Variants in SEMA5A observed in about 807,000 individuals in gnomAD.
SEMA5A encodes semaphorin-5A.
Under a neutral mutation model 135.5 loss-of-function variants are expected in SEMA5A, and 55 were observed. The observed-to-expected ratio is 0.41, with a 90% CI of 0.33 to 0.51. The LOEUF is 0.51. SEMA5A is among the 20% of genes least tolerant of loss of function. SEMA5A has a pLI of 0.37. For synonymous variants in SEMA5A, 580 were observed against 546.5 expected (o/e 1.06, Z -0.85); for missense variants, 1,290 against 1,419.9 (o/e 0.91, Z 1.47).
intron 1 of SEMA5A, among the ~76,000 whole-genome samples, chr5:9,458,542 C>T (rs995334315): frequency 6.6e-6 from 1 of 152,194 alleles, no homozygotes; most frequent in Non-Finnish European, 1.5e-5. Context: ...CCATACGCCA[C>T]CCAGCACGCC....
intron 1 of SEMA5A, among the ~76,000 whole-genome samples, chr5:9,522,569 C>G (rs911600496): frequency 6.6e-6 from 1 of 152,046 alleles, no homozygotes; most frequent in African/African-American, 2.4e-5. Context: ...AAGAGCAAAA[C>G]TCCATCTCAA....
At chr5:9,424,349 T>C (rs1041996161) in intron 2 of SEMA5A, among the ~76,000 whole-genome samples, 9 of 152,226 alleles carry the variant, frequency 5.9e-5, no homozygotes, top group African/African-American at 2.2e-4. Flanking sequence ...AGATTTTCTG[T>C]CACTTTTAAG....
chr5:9,100,084 A>G (rs1322970574), intron 16 of SEMA5A, among the ~76,000 whole-genome samples: 2 of 152,358 alleles, frequency 1.3e-5, no homozygotes, highest in Admixed American at 6.5e-5. Flanking sequence ...GTGGAGTGCC[A>G]TCTGGCCTAA....
At chr5:9,263,481 G>C (rs567805617) in intron 5 of SEMA5A, among the ~76,000 whole-genome samples, 1 of 152,204 alleles carries the variant, frequency 6.6e-6, no homozygotes, top group South Asian at 2.1e-4. Context: ...AATCTGAGGT[G>C]GAACAGTTTC....
intron 6 of SEMA5A, 52 bp downstream of exon 6, chr5:9,237,776 G>T (rs541499410): frequency 2.6e-6 from 4 of 1,518,614 alleles, no homozygotes; most frequent in Non-Finnish European, 3.7e-6. Flanking sequence ...TTTATATAGT[G>T]TAGAGTCCTT....
At chr5:9,483,231 C>G (rs1349951379) in intron 1 of SEMA5A, among the ~76,000 whole-genome samples, 1 of 152,128 alleles carries the variant, frequency 6.6e-6, no homozygotes, top group Non-Finnish European at 1.5e-5. Context: ...GTCTCCAACC[C>G]TTTCCCATTT....
chr5:9,068,157 CTCTA>C (rs887336962), intron 16 of SEMA5A, among the ~76,000 whole-genome samples: 12 of 152,052 alleles, frequency 7.9e-5, no homozygotes, highest in African/African-American at 2.9e-4. Context: ...TTTTTTGGAT[CTCTA>C]TCTTTCTTGT....
chr5:9,369,120 CTA>C (rs1755030719), intron 3 of SEMA5A, among the ~76,000 whole-genome samples: 1 of 152,152 alleles, frequency 6.6e-6, no homozygotes, highest in Non-Finnish European at 1.5e-5. Context: ...AGGTATCTCA[CTA>C]TGCAGTTATG....
intron 1 of SEMA5A, among the ~76,000 whole-genome samples, chr5:9,492,989 G>A (rs1561296059): frequency 1.3e-5 from 2 of 152,102 alleles, no homozygotes; most frequent in Non-Finnish European, 2.9e-5. Context: ...AACACCAAGA[G>A]TGAACCCTAA....
intron 6 of SEMA5A, among the ~76,000 whole-genome samples, chr5:9,232,598 A>G (rs1028135866): frequency 6.6e-6 from 1 of 152,240 alleles, no homozygotes; most frequent in Non-Finnish European, 1.5e-5. Context: ...ATATGTAGAG[A>G]TAAACACTCA....
At chr5:9,409,297 G>A (rs1041041831) in intron 2 of SEMA5A, among the ~76,000 whole-genome samples, 3 of 152,204 alleles carry the variant, frequency 2.0e-5, no homozygotes, top group African/African-American at 7.2e-5. Context: ...TAAATCTTCA[G>A]AGTCTAATAT....
intron 2 of SEMA5A, among the ~76,000 whole-genome samples, chr5:9,398,160 T>A (rs1756485727): frequency 6.6e-6 from 1 of 152,106 alleles, no homozygotes; most frequent in Admixed American, 6.6e-5. Context: ...AGCAGCACAA[T>A]GACCAAAGAC....
At chr5:9,073,111 C>T (rs570233132) in intron 16 of SEMA5A, among the ~76,000 whole-genome samples, 1 of 152,186 alleles carries the variant, frequency 6.6e-6, no homozygotes, top group Admixed American at 6.5e-5. Context: ...ACTTTGATAT[C>T]AAAACCAGAC....
chr5:9,299,827 C>T (rs533395755), intron 5 of SEMA5A, among the ~76,000 whole-genome samples: 17 of 152,286 alleles, frequency 1.1e-4, no homozygotes, highest in African/African-American at 3.6e-4. Flanking sequence ...CCATACTTCA[C>T]GTCTCCTTCC....
intron 16 of SEMA5A, among the ~76,000 whole-genome samples, chr5:9,102,940 G>C (rs1739708514): frequency 6.6e-6 from 1 of 152,174 alleles, no homozygotes; most frequent in African/African-American, 2.4e-5. Flanking sequence ...CTGGCCAGAG[G>C]CAAACACAGC....
At chr5:9,271,908 C>G (rs144621121) in intron 5 of SEMA5A, among the ~76,000 whole-genome samples, 138 of 152,304 alleles carry the variant, frequency 9.1e-4, no homozygotes, top group African/African-American at 3.2e-3. Flanking sequence ...CTACCAGGAC[C>G]CTGGGGTTCC....
chr5:9,275,553 A>G (rs1750214920), intron 5 of SEMA5A, among the ~76,000 whole-genome samples: 1 of 152,184 alleles, frequency 6.6e-6, no homozygotes, highest in Non-Finnish European at 1.5e-5. Flanking sequence ...TCAGGCCAAT[A>G]TCCCTGATGA....
intron 13 of SEMA5A, among the ~76,000 whole-genome samples, chr5:9,134,644 A>G (rs924005511): frequency 2.6e-5 from 4 of 152,234 alleles, no homozygotes; most frequent in African/African-American, 9.6e-5. Context: ...ATAATTACAT[A>G]ATTAGTATCT....
intron 2 of SEMA5A, among the ~76,000 whole-genome samples, chr5:9,424,635 T>G (rs1426766621): frequency 6.6e-6 from 1 of 152,184 alleles, no homozygotes; most frequent in Admixed American, 6.5e-5. Context: ...AGAAGAACTG[T>G]TGCGTTTCCC....
Sources: gnomAD v4.1 joint callset for allele counts (sites outside exome capture counted in the v4.1 genomes callset) on GRCh38, gnomAD v4.1.1 for gene constraint, MANE v1.5 for transcripts, NCBI Gene and HGNC (gene_info 2026-07-23, HGNC 2026-07-21) for gene names.